CNNM2: variants seen among roughly 807,000 people sequenced by gnomAD.
The protein encoded by CNNM2 is metal transporter CNNM2.
Under a neutral mutation model 66.9 loss-of-function variants are expected in CNNM2, and 12 were observed. That is an observed-to-expected ratio of 0.18 (90% CI 0.11 to 0.29). The LOEUF (loss-of-function observed/expected upper bound fraction) is 0.29. Among genes scored for constraint, CNNM2 ranks in the 10% least tolerant of loss-of-function variants. The pLI is 1.00. For missense variants in CNNM2, 705 were observed against 1,167.7 expected (o/e 0.60, Z 5.77); for synonymous variants, 557 against 501.8 (o/e 1.11, Z -1.47).
At chr10:103,068,509 C>A in intron 4 of CNNM2, 120 bp from the exon 5 acceptor site, 1 of 805,146 alleles carries the variant, frequency 1.2e-6, no homozygotes, top group Non-Finnish European at 2.1e-6. Context: ...AAGCTTTACT[C>A]CCTCGATAGT....
chr10:103,003,516 T>C (rs1414326134), intron 1 of CNNM2, among the ~76,000 whole-genome samples: 1 of 152,196 alleles, frequency 6.6e-6, no homozygotes, highest in Non-Finnish European at 1.5e-5. Context: ...TTCCCATCCA[T>C]GTAGAATTAT....
At chr10:102,935,722 C>T (rs533245888) in intron 1 of CNNM2, among the ~76,000 whole-genome samples, 11 of 149,978 alleles carry the variant, frequency 7.3e-5, no homozygotes, top group Non-Finnish European at 1.5e-4. Flanking sequence ...GTGATCCTCC[C>T]GCCTCAGCCT....
chr10:103,080,709 TGTC>T lies in CNNM2; in HGVS notation c.*3533_*3535del, dbSNP rs2134377306. On this transcript the variant is annotated 3_prime_UTR_variant, in exon 8 of 8. Coordinates refer to ENST00000369878, the MANE Select transcript of CNNM2 (RefSeq NM_017649.5). Reference sequence around the variant, plus strand: ...TAACTGTGAGTATATTTACCTGTGCTGTCGTCAGCACTGTACACTAAAGGACCA... The same window carrying T: ...TAACTGTGAGTATATTTACCTGTGCTGTCAGCACTGTACACTAAAGGACCA... 6.6e-6 allele frequency: 1 copy of T among 152,362 alleles called. No individual in the cohort carries two copies. The highest frequency in any genetic ancestry group is 1.9e-4 in the East Asian group (1 of 5,186). The allele number at this position is 152,362 out of a possible 1,614,324, so 9.4% of individuals were successfully genotyped here. A position where few individuals can be genotyped will look rare whatever the true frequency, so the allele number is the denominator to read the frequency against.
intron 6 of CNNM2, among the ~76,000 whole-genome samples, chr10:103,073,719 G>A (rs927731500): frequency 1.3e-5 from 2 of 151,756 alleles, no homozygotes; most frequent in Non-Finnish European, 2.9e-5. Context: ...AAAATTAGCC[G>A]GGCGCTGTGG....
At chr10:102,932,455 T>C (rs1048873284) in intron 1 of CNNM2, among the ~76,000 whole-genome samples, 12 of 152,340 alleles carry the variant, frequency 7.9e-5, no homozygotes, top group Admixed American at 5.9e-4. Context: ...CTAAGAGTTT[T>C]ATAGTTTTAG....
intron 1 of CNNM2, among the ~76,000 whole-genome samples, chr10:103,011,678 G>GTGTA: frequency 6.7e-6 from 1 of 149,800 alleles, no homozygotes; most frequent in Admixed American, 6.7e-5. Flanking sequence ...GTGTGTGTGT[G>GTGTA]TGTGTGTATG....
intron 1 of CNNM2, among the ~76,000 whole-genome samples, chr10:102,997,102 A>C (rs1295848330): frequency 6.6e-6 from 1 of 152,208 alleles, no homozygotes; most frequent in African/African-American, 2.4e-5. Flanking sequence ...GTCCTAAAGA[A>C]GGTGAAGAGA....
At chr10:103,022,471 C>T (rs966582845) in intron 1 of CNNM2, among the ~76,000 whole-genome samples, 9 of 152,100 alleles carry the variant, frequency 5.9e-5, no homozygotes, top group Non-Finnish European at 1.0e-4. Flanking sequence ...GATCCTATAC[C>T]GGCTTAAAAA....
chr10:102,941,056 C>T (rs1846414651), intron 1 of CNNM2, among the ~76,000 whole-genome samples: 1 of 151,946 alleles, frequency 6.6e-6, no homozygotes, highest in Non-Finnish European at 1.5e-5. Context: ...ATGTGTGAGC[C>T]ATTGCGCCCA....
intron 1 of CNNM2, among the ~76,000 whole-genome samples, chr10:102,973,366 T>C (rs1220799204): frequency 3.3e-5 from 5 of 152,090 alleles, no homozygotes; most frequent in Admixed American, 2.0e-4. Flanking sequence ...AGCCTCAGCC[T>C]CCCAGGCTCA....
At position 102,964,445 on chromosome 10, in the gene CNNM2, T is replaced by C. The variant is rs571361634; in HGVS notation, c.1621+44344T>C. ...GGTTTCACTGTGTTGGCCAGGCTGA[T>C]CTTAAACTCCTGACCTTAAGTGATT... On this transcript the variant is annotated intron_variant, in intron 1 of 7. Transcript: ENST00000369878. Among the ~76,000 whole-genome samples, 5 of 152,244 alleles carry C rather than the reference T, an allele frequency of 3.3e-5. No homozygotes were observed. In the East Asian group the frequency reaches 9.6e-4, roughly 29 times the overall value.
intron 1 of CNNM2, among the ~76,000 whole-genome samples, chr10:103,005,671 G>C (rs777350786): frequency 1.1e-4 from 17 of 152,210 alleles, no homozygotes; most frequent in Non-Finnish European, 2.2e-4. Context: ...ATTGATTTTT[G>C]TATGTTAACC....
rs532627828 is a variant in CNNM2, at chr10:103,063,702, G to A, written c.2074-4927G>A. On this transcript the variant is annotated intron_variant, in intron 4 of 7. Transcript: ENST00000369878. ...CTGGTCCAGTGAGTCCTTCTTCCAA[G>A]TTCGTCAGTTTATAAGCATGAAGCC... is the stretch of plus-strand genomic sequence containing the variant. Among the ~76,000 whole-genome samples the A allele has an allele frequency of 7.2e-5, 11 of 152,322 alleles. No homozygotes were observed. In the South Asian group the frequency reaches 2.3e-3, roughly 32 times the overall value.
chr10:102,937,472 T>C (rs913816122), intron 1 of CNNM2, among the ~76,000 whole-genome samples: 58 of 152,222 alleles, frequency 3.8e-4, no homozygotes, highest in African/African-American at 1.4e-3. Context: ...GGGGACATGA[T>C]GGTTTTGGAA....
intron 1 of CNNM2, among the ~76,000 whole-genome samples, chr10:103,004,715 C>T (rs942902812): frequency 6.6e-6 from 1 of 152,238 alleles, no homozygotes; most frequent in Admixed American, 6.5e-5. Context: ...ACATCTCCAA[C>T]AGCAGTGCAT....
chr10:103,048,603 T>C (rs1172256913), intron 1 of CNNM2, among the ~76,000 whole-genome samples: 1 of 152,144 alleles, frequency 6.6e-6, no homozygotes, highest in African/African-American at 2.4e-5. Flanking sequence ...AGGTTCATTT[T>C]TGAGAAAATG....
intron 1 of CNNM2, among the ~76,000 whole-genome samples, chr10:102,977,581 G>T (rs1252149680): frequency 6.6e-6 from 1 of 152,144 alleles, no homozygotes; most frequent in Non-Finnish European, 1.5e-5. Flanking sequence ...AGCACTTTGG[G>T]AGGCCAAGGT....
At chr10:103,068,834 G>A (rs1163063755) in intron 5 of CNNM2, 112 bp downstream of exon 5, 3 of 820,190 alleles carry the variant, frequency 3.7e-6, no homozygotes, top group Non-Finnish European at 5.7e-6. Context: ...CTTCCTTTTT[G>A]AACTTTTTTT....
At position 103,085,276 on chromosome 10, in the gene CNNM2, G is replaced by A. The variant is rs2065793893; in HGVS notation, c.*8096G>A. 6.6e-6 allele frequency: 1 copy of A among 152,144 alleles called. No homozygotes were observed. Among genetic ancestry groups the A allele is most frequent in the Non-Finnish European group, 1.5e-5 (1 of 68,028 alleles). 9.4% of individuals were successfully genotyped at this position (152,144 alleles called of 1,614,324 possible). The stretch of plus-strand genomic sequence containing the variant: ...AGTTCTACTAAGTCATTGACTTGAG[G>A]TCAGTGGGTCCAAAAAGTGACTTGT... On this transcript the variant is annotated 3_prime_UTR_variant, in exon 8 of 8. Transcript: ENST00000369878.
Sources: gnomAD v4.1 joint callset for allele counts (sites outside exome capture counted in the v4.1 genomes callset) on GRCh38, gnomAD v4.1.1 for gene constraint, MANE v1.5 for transcripts, NCBI Gene and HGNC (gene_info 2026-07-23, HGNC 2026-07-21) for gene names.